NCBP3: variants seen among roughly 807,000 people sequenced by gnomAD.
NCBP3 encodes the protein nuclear cap-binding protein subunit 3.
NCBP3 carries 20 observed loss-of-function variants against 75.7 expected under a neutral mutation model. The ratio of observed to expected loss-of-function variants is 0.26; its 90% confidence interval spans 0.19 to 0.38. The LOEUF is 0.38. NCBP3 is among the 10% of genes least tolerant of loss of function. The probability of loss-of-function intolerance (pLI) is 1.00; values close to 1 mark genes in which losing one functional copy is unlikely to be tolerated. For missense variants in NCBP3, 678 were observed against 796.9 expected (o/e 0.85, Z 1.80); for synonymous variants, 293 against 290.5 (o/e 1.01, Z -0.09).
chr17:3,841,412 A>G (rs939542677), intron 2 of NCBP3, among the ~76,000 whole-genome samples: 3 of 152,196 alleles, frequency 2.0e-5, no homozygotes, highest in Admixed American at 6.5e-5. Flanking sequence ...AAGTCTTCCT[A>G]GTACAAACAA....
chr17:3,817,122 A>T (rs1462499745), intron 10 of NCBP3, among the ~76,000 whole-genome samples: 2 of 152,288 alleles, frequency 1.3e-5, no homozygotes, highest in Admixed American at 1.3e-4. Flanking sequence ...ACTACGTTAC[A>T]CAGAGCATCC....
chr17:3,818,611 A>C lies in NCBP3; in HGVS notation c.1001-39T>G. 1 of 1,559,644 alleles carries C rather than the reference A, an allele frequency of 6.4e-7. No homozygotes were observed. The highest frequency in any genetic ancestry group is 2.2e-5 in the East Asian group (1 of 44,500). ...ACCAGAAAACATTAGGAAAAGCACTAAAATTAACAAGTATGATTTTCTACT... is the reference window on the plus strand; with the variant it reads ...ACCAGAAAACATTAGGAAAAGCACTCAAATTAACAAGTATGATTTTCTACT... On this transcript the variant is annotated intron_variant, in intron 9 of 12. Transcript: ENST00000389005. This position sits in a 1 kb window ranked among gnomAD's most constrained non-coding sequence, Gnocchi z 4.7.
At position 3,812,897 on chromosome 17, in the gene NCBP3, A is replaced by G; in HGVS notation, c.*147T>C. ...CTTGAAAATGTGTCACATTCTTAAG[A>G]TGTCTTGCCGAAGTAGCAAGAGCGG... is the stretch of plus-strand genomic sequence containing the variant. On this transcript the variant is annotated 3_prime_UTR_variant, in exon 13 of 13. Coordinates refer to ENST00000389005, the MANE Select transcript of NCBP3 (RefSeq NM_001114118.3). 1 of 1,459,136 alleles carries G rather than the reference A, an allele frequency of 6.9e-7. No homozygotes were observed. Among genetic ancestry groups the G allele is most frequent in the Middle Eastern group, 2.5e-4 (1 of 3,946 alleles). The allele number at this position is 1,459,136 out of a possible 1,614,324, so 90.4% of individuals were successfully genotyped here. A position where few individuals can be genotyped will look rare whatever the true frequency, so the allele number is the denominator to read the frequency against.
chr17:3,832,639 AT>A (rs945259090), intron 3 of NCBP3, among the ~76,000 whole-genome samples: 2 of 151,762 alleles, frequency 1.3e-5, no homozygotes, highest in African/African-American at 2.4e-5. Context: ...TCAAAAAAAA[AT>A]AAAATAAAAT....
At chr17:3,827,796 T>C (rs2143678520) in intron 4 of NCBP3, among the ~76,000 whole-genome samples, 1 of 152,338 alleles carries the variant, frequency 6.6e-6, no homozygotes, top group South Asian at 2.1e-4. Flanking sequence ...TCAGGGTTAG[T>C]AAACTATAAC....
intron 3 of NCBP3, among the ~76,000 whole-genome samples, chr17:3,829,636 C>T (rs1348023685): frequency 5.3e-5 from 8 of 152,220 alleles, no homozygotes; most frequent in Non-Finnish European, 1.0e-4. Context: ...CGATACCTCT[C>T]CCCACATTAA....
Position 3,813,227 on chromosome 17 carries a change from C to T in NCBP3, c.1680G>A (p.Thr560=), listed in dbSNP as rs113033010. 1.5e-4 allele frequency: 235 copies of T among 1,614,244 alleles called. 1 individual carries two copies. The African/African-American group carries it at 2.3e-3, about 16-fold the overall frequency. Residue 560 remains threonine, a synonymous_variant, in exon 13 of 13, where the codon ACG becomes ACA. Coordinates refer to ENST00000389005, the MANE Select transcript of NCBP3 (RefSeq NM_001114118.3). ...CAGGCGCCCTGTGATCCACTTTCTT[C>T]GTATTCTTTTCTTTGGTCTTGGGTG... ...GSAPKTKEKN[T]KKVDHRAPGA...
rs1025438146 is a variant in NCBP3 at position 3,810,602 on chromosome 17, A to T, written c.*2442T>A. ...TAAACTCCAAAGAAAAGGCCTCATC[A>T]TTCAGGACACACTCAAGATGTTGCA... is the stretch of plus-strand genomic sequence containing the variant. On this transcript the variant is annotated 3_prime_UTR_variant, in exon 13 of 13. Coordinates refer to ENST00000389005, the MANE Select transcript of NCBP3 (RefSeq NM_001114118.3). 4.6e-5 allele frequency: 7 copies of T among 152,324 alleles called. 1 individual carries two copies. The highest frequency in any genetic ancestry group is 1.7e-4 in the African/African-American group (7 of 41,568). The allele number at this position is 152,324 out of a possible 1,614,324, so 9.4% of individuals were successfully genotyped here. A position where few individuals can be genotyped will look rare whatever the true frequency, so the allele number is the denominator to read the frequency against.
At chr17:3,842,777 T>C (rs767401967) in intron 2 of NCBP3, among the ~76,000 whole-genome samples, 3 of 152,078 alleles carry the variant, frequency 2.0e-5, no homozygotes, top group South Asian at 2.1e-4. Flanking sequence ...TCTTGAGTAG[T>C]TGGGACTACA....
chr17:3,812,996 G>C lies in NCBP3; in HGVS notation c.*48C>G, dbSNP rs2053449296. The C allele has an allele frequency of 6.2e-7, 1 of 1,611,448 alleles. No individual in the cohort carries two copies. On this transcript the variant is annotated 3_prime_UTR_variant, in exon 13 of 13. Coordinates refer to ENST00000389005, the MANE Select transcript of NCBP3 (RefSeq NM_001114118.3). Reference sequence around the variant, plus strand: ...AGGTTCCTACTGCGCGCCCCACCCTGTGCAAGAATGTCAGGCTTTAGGGCA... The same window carrying C: ...AGGTTCCTACTGCGCGCCCCACCCTCTGCAAGAATGTCAGGCTTTAGGGCA...
Position 3,824,952 on chromosome 17 carries a change from A to C in NCBP3, c.786T>G (p.Phe262Leu). ...AAATATTACATTTACCTTTTGTAGC[A>C]AATCTCATGAATAACCTATTTCCTT... ...LAKGNRLFMR[F>L]ATKDDKKELG... The change falls in exon 7 of 13, where the codon TTT becomes TTG. Residue 262 changes from phenylalanine (F) to leucine (L), a missense_variant. This residue lies in a region of NCBP3 where 38 missense variants were observed against 78.9 expected (regional missense o/e 0.48). Coordinates refer to ENST00000389005, the MANE Select transcript of NCBP3 (RefSeq NM_001114118.3). 6.6e-7 allele frequency: 1 copy of C among 1,522,166 alleles called. No homozygotes were observed. The highest frequency in any genetic ancestry group is 8.9e-7 in the Non-Finnish European group (1 of 1,127,768). 94.3% of individuals were successfully genotyped at this position (1,522,166 alleles called of 1,614,324 possible). A position where few individuals can be genotyped will look rare whatever the true frequency, so the allele number is the denominator to read the frequency against.
chr17:3,813,459 C>T (rs2053463524), intron 12 of NCBP3, among the ~76,000 whole-genome samples, 180 bp from the exon 13 acceptor site: 1 of 152,188 alleles, frequency 6.6e-6, no homozygotes, highest in East Asian at 1.9e-4. Context: ...AGCCCCTGCC[C>T]GCAAACGGAA....
intron 3 of NCBP3, among the ~76,000 whole-genome samples, chr17:3,836,714 A>AT (rs1232659201): frequency 6.6e-6 from 1 of 151,596 alleles, no homozygotes; most frequent in Non-Finnish European, 1.5e-5. Context: ...GGAAACTGAG[A>AT]TTTTTAGAGG....
At chr17:3,828,121 G>A (rs940327276) in intron 4 of NCBP3, among the ~76,000 whole-genome samples, 6 of 152,156 alleles carry the variant, frequency 3.9e-5, no homozygotes, top group African/African-American at 7.2e-5. Context: ...GTTTTGCCAC[G>A]TTGGCCAGGC....
At chr17:3,843,460 C>T (rs111304581) in intron 1 of NCBP3, among the ~76,000 whole-genome samples, 2,920 of 152,246 alleles carry the variant, frequency 0.019, 108 homozygotes, top group African/African-American at 0.068. Context: ...TCACCAACTC[C>T]TGGGCTAAAG....
intron 4 of NCBP3, among the ~76,000 whole-genome samples, chr17:3,827,883 A>G (rs945833317): frequency 6.6e-6 from 1 of 152,198 alleles, no homozygotes; most frequent in Non-Finnish European, 1.5e-5. Flanking sequence ...ATTAATGTAC[A>G]ATAAACTACA....
chr17:3,802,532 T>C lies in NCBP3; in HGVS notation c.*10512A>G, dbSNP rs2053280100. ...TGTAAAAGCAAAATTCCAGGTCTGGTGGTTTTCCTGCCAGGTCATGATGAA... is the reference window on the plus strand; with the variant it reads ...TGTAAAAGCAAAATTCCAGGTCTGGCGGTTTTCCTGCCAGGTCATGATGAA... On this transcript the variant is annotated 3_prime_UTR_variant, in exon 13 of 13. Coordinates refer to ENST00000389005, the MANE Select transcript of NCBP3 (RefSeq NM_001114118.3). The C allele has an allele frequency of 6.6e-6, 1 of 152,226 alleles. No homozygotes were observed. Among genetic ancestry groups the C allele is most frequent in the African/African-American group, 2.4e-5 (1 of 41,456 alleles). The allele number at this position is 152,226 out of a possible 1,614,324, so 9.4% of individuals were successfully genotyped here.
intron 3 of NCBP3, 119 bp downstream of exon 3, chr17:3,839,981 C>T (rs2054036281): frequency 2.8e-6 from 2 of 718,552 alleles, no homozygotes; most frequent in Non-Finnish European, 4.7e-6. Flanking sequence ...GGTCCCTTCT[C>T]ACAAGAGTGC....
At chr17:3,836,816 A>G (rs1170689704) in intron 3 of NCBP3, among the ~76,000 whole-genome samples, 1 of 152,156 alleles carries the variant, frequency 6.6e-6, no homozygotes, top group African/African-American at 2.4e-5. Context: ...GCTCATAACC[A>G]TGAAACCAAT....
Sources: gnomAD v4.1 joint callset for allele counts (sites outside exome capture counted in the v4.1 genomes callset) on GRCh38, gnomAD v4.1.1 for gene constraint, gnomAD v4.1.1 regional missense constraint, Gnocchi (gnomAD v3.1) non-coding constraint, MANE v1.5 for transcripts, NCBI Gene and HGNC (gene_info 2026-07-23, HGNC 2026-07-21) for gene names.